Variants in RAD51B observed in about 807,000 individuals in gnomAD.
RAD51B encodes the protein RAD51 paralog B.
Under a neutral mutation model 42.2 loss-of-function variants are expected in RAD51B, and 38 were observed. That is an observed-to-expected ratio of 0.90 (90% confidence interval 0.70 to 1.18). The LOEUF (loss-of-function observed/expected upper bound fraction) is 1.18. RAD51B is among the 50% of genes most tolerant of loss of function. The pLI, the probability that RAD51B is intolerant of heterozygous loss-of-function variation, is 0.00. For synonymous variants in RAD51B, 154 were observed against 145.2 expected (o/e 1.06, Z -0.43); for missense variants, 373 against 400.7 (o/e 0.93, Z 0.59).
At chr14:67,852,689 A>T (rs1869755714) in intron 4 of RAD51B, among the ~76,000 whole-genome samples, 1 of 152,208 alleles carries the variant, frequency 6.6e-6, no homozygotes, top group South Asian at 2.1e-4. Context: ...AAAGGCATGG[A>T]TAACAAAGGT....
intron 7 of RAD51B, among the ~76,000 whole-genome samples, chr14:68,141,613 TATTAC>T (rs2078130004): frequency 6.6e-6 from 1 of 152,198 alleles, no homozygotes; most frequent in Non-Finnish European, 1.5e-5. Flanking sequence ...GACGTTTGGG[TATTAC>T]ATTAACATTA....
intron 10 of RAD51B, among the ~76,000 whole-genome samples, chr14:68,579,056 C>G (rs1594992653): frequency 6.6e-6 from 1 of 152,158 alleles, no homozygotes; most frequent in East Asian, 1.9e-4. Flanking sequence ...AGAAGGGTCT[C>G]CTGGCAGTCA....
chr14:67,923,260 A>G (rs2044387305), intron 7 of RAD51B, among the ~76,000 whole-genome samples: 1 of 147,206 alleles, frequency 6.8e-6, no homozygotes, highest in Admixed American at 6.7e-5. Flanking sequence ...GTGTGTGTAT[A>G]TATATATATC....
intron 8 of RAD51B, among the ~76,000 whole-genome samples, chr14:68,332,973 A>G (rs184051265): frequency 2.0e-5 from 3 of 152,294 alleles, no homozygotes; most frequent in African/African-American, 7.2e-5. Flanking sequence ...GAGGTGTATC[A>G]TAGTGGAGGG....
chr14:68,059,066 G>A lies in RAD51B; in HGVS notation c.756+171862G>A, dbSNP rs527905285. The stretch of plus-strand genomic sequence containing the variant: ...TTCTTTCATGGGTTATTCATGGCTA[G>A]TGTCCTCTTCCAGCAAGCTTAAGCC... On this transcript the variant is annotated intron_variant, in intron 7 of 10. Coordinates refer to ENST00000471583, the MANE Select transcript of RAD51B (RefSeq NM_133510.4). Among the ~76,000 whole-genome samples, 3 of 152,170 alleles carry A rather than the reference G, an allele frequency of 2.0e-5. No homozygotes were observed. In the East Asian group the frequency reaches 5.8e-4, roughly 29 times the overall value.
intron 8 of RAD51B, among the ~76,000 whole-genome samples, chr14:68,300,188 C>A (rs2081698614): frequency 6.6e-6 from 1 of 151,790 alleles, no homozygotes. Context: ...CTCTGTTGAC[C>A]CCTTTAGTCA....
rs552628567 is a variant in RAD51B at position 68,297,860 on chromosome 14, G to C, written c.853+5880G>C. ...GCTGGTGTGCTGGGAACAGAAGTCAGAGCCCCTCCCGTGAAGTTTTAAATT... is the reference window on the plus strand; with the variant it reads ...GCTGGTGTGCTGGGAACAGAAGTCACAGCCCCTCCCGTGAAGTTTTAAATT... On this transcript the variant is annotated intron_variant, in intron 8 of 10. Transcript: ENST00000471583. Among the ~76,000 whole-genome samples the C allele has an allele frequency of 2.2e-4, 33 of 152,342 alleles. No homozygotes were observed. In the South Asian group the frequency reaches 6.8e-3, roughly 32 times the overall value.
intron 10 of RAD51B, among the ~76,000 whole-genome samples, chr14:68,632,381 G>T (rs943839762): frequency 6.6e-6 from 1 of 152,202 alleles, no homozygotes; most frequent in Non-Finnish European, 1.5e-5. Flanking sequence ...GAGCGGCCAA[G>T]TGAGCACAGG....
chr14:68,204,059 T>G (rs943748253), intron 7 of RAD51B, among the ~76,000 whole-genome samples: 4 of 152,266 alleles, frequency 2.6e-5, no homozygotes, highest in Non-Finnish European at 5.9e-5. Flanking sequence ...GTAGCACTTC[T>G]AATTTCCTTC....
chr14:67,825,257 C>G (rs1273764134), intron 2 of RAD51B, among the ~76,000 whole-genome samples: 1 of 152,020 alleles, frequency 6.6e-6, no homozygotes, highest in Admixed American at 6.5e-5. Flanking sequence ...GCCAACTAAA[C>G]AGGATAATTA....
At chr14:67,874,939 A>T (rs1189107454) in intron 5 of RAD51B, among the ~76,000 whole-genome samples, 2 of 152,208 alleles carry the variant, frequency 1.3e-5, no homozygotes, top group African/African-American at 4.8e-5. Context: ...AAATAGTAAT[A>T]GAAGTATTGA....
intron 10 of RAD51B, among the ~76,000 whole-genome samples, chr14:68,491,537 T>C (rs1345092731): frequency 6.6e-6 from 1 of 152,066 alleles, no homozygotes; most frequent in East Asian, 1.9e-4. Context: ...ACCAAAACAA[T>C]CCTCAAGGAT....
rs532630109 is a variant in RAD51B at position 68,088,961 on chromosome 14, C to T, written c.756+201757C>T. Among the ~76,000 whole-genome samples the T allele has an allele frequency of 1.4e-4, 22 of 152,270 alleles. 1 individual carries two copies. Among genetic ancestry groups the T allele is most frequent in the Admixed American group, 1.4e-3 (21 of 15,294 alleles). On this transcript the variant is annotated intron_variant, in intron 7 of 10. Transcript: ENST00000471583. The stretch of plus-strand genomic sequence containing the variant: ...TTAAAAGTCTGTGGAGGGATCAGAG[C>T]TCATGTCCTTAGAAAGGACAGAACT...
At chr14:68,620,775 C>T (rs1248964017) in intron 10 of RAD51B, among the ~76,000 whole-genome samples, 1 of 152,166 alleles carries the variant, frequency 6.6e-6, no homozygotes, top group African/African-American at 2.4e-5. Flanking sequence ...CCTGTCTGTC[C>T]ACAGCCTGAA....
chr14:68,505,260 C>T (rs1885225636), intron 10 of RAD51B, among the ~76,000 whole-genome samples: 1 of 152,226 alleles, frequency 6.6e-6, no homozygotes, highest in Admixed American at 6.5e-5. Context: ...ACCAGAGAGA[C>T]TGTTTTGATC....
intron 8 of RAD51B, among the ~76,000 whole-genome samples, chr14:68,357,753 C>T (rs2082938554): frequency 6.6e-6 from 1 of 152,042 alleles, no homozygotes. Context: ...TTTTTCTGAG[C>T]AGTAAGTCTC....
chr14:68,495,049 C>T (rs1037058507), intron 10 of RAD51B, among the ~76,000 whole-genome samples: 1 of 152,118 alleles, frequency 6.6e-6, no homozygotes, highest in Non-Finnish European at 1.5e-5. Context: ...GCAAGGTGAA[C>T]GGCCAGAGTC....
chr14:67,968,553 TC>T (rs1378157160), intron 7 of RAD51B, among the ~76,000 whole-genome samples: 1 of 152,154 alleles, frequency 6.6e-6, no homozygotes, highest in African/African-American at 2.4e-5. Context: ...GTTCCACAAA[TC>T]TCAAGGGCAG....
chr14:68,021,071 CT>C (rs1374820629), intron 7 of RAD51B, among the ~76,000 whole-genome samples: 1 of 152,198 alleles, frequency 6.6e-6, no homozygotes, highest in Non-Finnish European at 1.5e-5. Flanking sequence ...GAATACCCCC[CT>C]GGGACCTTAC....
Sources: allele counts gnomAD v4.1 joint callset (sites outside exome capture counted in the v4.1 genomes callset), GRCh38; gene constraint gnomAD v4.1.1; transcripts MANE v1.5; gene names NCBI Gene and HGNC (gene_info 2026-07-23, HGNC 2026-07-21).